Variants in BAZ2B observed in about 807,000 individuals in gnomAD.
BAZ2B encodes bromodomain adjacent to zinc finger domain 2B, also known as bromodomain adjacent to zinc finger domain protein 2B.
Under a neutral mutation model 246.0 loss-of-function variants are expected in BAZ2B, and 91 were observed. The observed-to-expected ratio is 0.37, with a 90% CI of 0.31 to 0.44. BAZ2B has a LOEUF of 0.44. Ranked by LOEUF, BAZ2B falls within the 20% of genes least tolerant of loss-of-function variation. The pLI, the probability that BAZ2B is intolerant of heterozygous loss-of-function variation, is 1.00. For missense variants in BAZ2B, 2,332 were observed against 2,533.7 expected, an observed-to-expected ratio of 0.92 and a Z score of 1.71; for synonymous variants, 855 against 860.0, an observed-to-expected ratio of 0.99 and a Z score of 0.10.
chr2:159,511,276 T>A (rs2082891071), intron 2 of BAZ2B, among the ~76,000 whole-genome samples: 1 of 152,136 alleles, frequency 6.6e-6, no homozygotes, highest in Non-Finnish European at 1.5e-5. Flanking sequence ...TGATCTCAGC[T>A]CACTGCAACC....
At position 159,351,788 on chromosome 2, in the gene BAZ2B, A is replaced by T. The variant is rs557135463; in HGVS notation, c.4214-1431T>A. ...CATTGTTTTAAAAATAATTTATAAG[A>T]ACTATTTTAAAAACATAAATCCACT... On this transcript the variant is annotated intron_variant, in intron 27 of 36. Coordinates refer to ENST00000392783, the MANE Select transcript of BAZ2B (RefSeq NM_013450.4). Among the ~76,000 whole-genome samples the T allele has an allele frequency of 4.9e-4, 75 of 152,342 alleles. 1 individual carries two copies. In the South Asian group the frequency reaches 0.015, roughly 31 times the overall value.
At chr2:159,407,815 T>A (rs1272891076) in intron 14 of BAZ2B, among the ~76,000 whole-genome samples, 1 of 152,202 alleles carries the variant, frequency 6.6e-6, no homozygotes, top group Non-Finnish European at 1.5e-5. Context: ...GATGTCCTGT[T>A]CACTAAATAC....
chr2:159,511,626 T>C (rs1255224422), intron 2 of BAZ2B, among the ~76,000 whole-genome samples: 1 of 152,208 alleles, frequency 6.6e-6, no homozygotes, highest in Non-Finnish European at 1.5e-5. Flanking sequence ...GTCATTTCTT[T>C]TTCCCCAACT....
chr2:159,629,175 C>G, the BAZ2B span, among the ~76,000 whole-genome samples: 1 of 152,198 alleles, frequency 6.6e-6, no homozygotes. Flanking sequence ...CAGGAAACAA[C>G]AGATGCTGGG....
chr2:159,438,632 C>A lies in BAZ2B; in HGVS notation c.964G>T (p.Glu322Ter). 1 of 1,613,354 alleles carries A rather than the reference C, an allele frequency of 6.2e-7. No homozygotes were observed. The highest frequency in any genetic ancestry group is 8.5e-7 in the Non-Finnish European group (1 of 1,179,876). The part of the protein sequence containing the change: ...DGQKATEKAQ[E>*]KRIHQPLPLA... Reference sequence around the variant, plus strand: ...GGTAATGGCTGGTGTATTCTTTTTTCCTGGGCTTTTTCAGTTGCTTTCTGT... The same window carrying A: ...GGTAATGGCTGGTGTATTCTTTTTTACTGGGCTTTTTCAGTTGCTTTCTGT... The change falls in exon 8 of 37, where the codon GAA (glutamate) becomes TAA (stop). Residue 322 changes from glutamate to a stop codon, truncating the protein, a stop_gained. Coordinates refer to ENST00000392783, the MANE Select transcript of BAZ2B (RefSeq NM_013450.4). LOFTEE classifies it high-confidence loss of function.
intron 20 of BAZ2B, among the ~76,000 whole-genome samples, chr2:159,391,153 T>G (rs1285867868): frequency 1.3e-5 from 2 of 152,136 alleles, no homozygotes; most frequent in Non-Finnish European, 2.9e-5. Flanking sequence ...ACCAGAGTAA[T>G]GAATTAGCAT....
upstream of BAZ2B, among the ~76,000 whole-genome samples, chr2:159,619,639 C>T (rs1470655391): frequency 6.6e-6 from 1 of 150,850 alleles, no homozygotes; most frequent in Non-Finnish European, 1.5e-5. Flanking sequence ...TCAATTTAAT[C>T]TGTATTTTTA....
At chr2:159,673,919 A>G in the BAZ2B span, among the ~76,000 whole-genome samples, 5 of 152,246 alleles carry the variant, frequency 3.3e-5, no homozygotes, top group Non-Finnish European at 5.9e-5. Flanking sequence ...CTAGTTATCT[A>G]AAGAAGATGA....
the BAZ2B span, among the ~76,000 whole-genome samples, chr2:159,622,944 C>T: frequency 6.8e-6 from 1 of 147,184 alleles, no homozygotes; most frequent in Non-Finnish European, 1.5e-5. Context: ...TGGACTCCAG[C>T]CAGGGTGACA....
the BAZ2B span, among the ~76,000 whole-genome samples, chr2:159,642,549 T>C: frequency 4.6e-5 from 7 of 152,146 alleles, no homozygotes; most frequent in Admixed American, 4.6e-4. Flanking sequence ...AAAACATTCT[T>C]AATAACTAAT....
At chr2:159,440,244 A>G (rs2073126090) in intron 6 of BAZ2B, among the ~76,000 whole-genome samples, 1 of 152,216 alleles carries the variant, frequency 6.6e-6, no homozygotes, top group African/African-American at 2.4e-5. Flanking sequence ...GAACATTTTA[A>G]TGGCATTTGC....
At chr2:159,348,913 A>G in intron 29 of BAZ2B, 80 bp from the exon 30 acceptor site, 1 of 1,539,238 alleles carries the variant, frequency 6.5e-7, no homozygotes, top group South Asian at 1.2e-5. Context: ...AGATTTATTA[A>G]CTATATATAG....
chr2:159,540,090 T>C (rs1350313747), intron 2 of BAZ2B, among the ~76,000 whole-genome samples: 2 of 152,188 alleles, frequency 1.3e-5, no homozygotes, highest in Non-Finnish European at 2.9e-5. Context: ...TTCTCCCCAG[T>C]AGAAAGTAAA....
chr2:159,441,530 AAG>A (rs1346148680), intron 6 of BAZ2B, among the ~76,000 whole-genome samples: 3 of 148,480 alleles, frequency 2.0e-5, no homozygotes, highest in African/African-American at 7.3e-5. Context: ...ATAGGGAAAA[AAG>A]ATGGGTTTGT....
intron 35 of BAZ2B, 73 bp downstream of exon 35, chr2:159,325,580 A>C: frequency 6.9e-7 from 1 of 1,451,558 alleles, no homozygotes. Context: ...GAAAGCTTTA[A>C]TATGGTAAAA....
the BAZ2B span, among the ~76,000 whole-genome samples, chr2:159,705,857 T>G: frequency 9.8e-4 from 149 of 151,700 alleles, no homozygotes; most frequent in African/African-American, 3.5e-3. Flanking sequence ...AAATACTACA[T>G]GTAAAATCAA....
intron 19 of BAZ2B, chr2:159,396,941 C>T: frequency 1.1e-5 from 6 of 534,926 alleles, no homozygotes; most frequent in Non-Finnish European, 1.7e-5. Context: ...ATGCAATGCA[C>T]TGTGCTGTAA....
At chr2:159,350,756 A>G (rs1406168347) in intron 27 of BAZ2B, among the ~76,000 whole-genome samples, 1 of 152,196 alleles carries the variant, frequency 6.6e-6, no homozygotes, top group African/African-American at 2.4e-5. Context: ...TATTTTTAGT[A>G]GAAACAGGGT....
chr2:159,400,304 TTTG>T (rs1189765134), intron 17 of BAZ2B, among the ~76,000 whole-genome samples: 1 of 152,222 alleles, frequency 6.6e-6, no homozygotes, highest in African/African-American at 2.4e-5. Context: ...TGATTTTTCT[TTTG>T]TTGTTTACTT....
Sources: allele counts gnomAD v4.1 joint callset (sites outside exome capture counted in the v4.1 genomes callset), GRCh38; gene constraint gnomAD v4.1.1; transcripts MANE v1.5; gene names NCBI Gene and HGNC (gene_info 2026-07-23, HGNC 2026-07-21).